The following NTNG1 variants were observed in gnomAD, a reference collection of about 807,000 sequenced individuals.
NTNG1 encodes the protein netrin G1, also known as netrin-G1.
A neutral mutation model predicts 54.0 loss-of-function variants in NTNG1; 16 were observed. The observed-to-expected ratio is 0.30, with a 90% CI of 0.20 to 0.45. NTNG1 has a LOEUF of 0.45. NTNG1 is among the 20% of genes least tolerant of loss of function. The pLI, the probability that NTNG1 is intolerant of heterozygous loss-of-function variation, is 1.00. For missense variants in NTNG1, 530 were observed against 678.7 expected (o/e 0.78, Z 2.43); for synonymous variants, 255 against 263.1 (o/e 0.97, Z 0.30).
At position 107,451,638 on chromosome 1, in the gene NTNG1, T is replaced by C. The variant is rs375036386; in HGVS notation, c.1390+14839T>C. Among the ~76,000 whole-genome samples the C allele has an allele frequency of 1.2e-4, 19 of 152,264 alleles. 1 individual carries two copies. Among genetic ancestry groups the C allele is most frequent in the Admixed American group, 8.5e-4 (13 of 15,280 alleles). ...GAATGTATTAGTCGTTGCAGCTAGA[T>C]GTTGAGTGAAGAACCCCCAGGAGAG... On this transcript the variant is annotated intron_variant, in intron 7 of 7. Coordinates refer to ENST00000370068, the MANE Select transcript of NTNG1 (RefSeq NM_001113226.3).
At chr1:107,193,878 A>T (rs1051025072) in intron 2 of NTNG1, among the ~76,000 whole-genome samples, 1 of 151,762 alleles carries the variant, frequency 6.6e-6, no homozygotes, top group East Asian at 1.9e-4. Context: ...AGTAAAAAAG[A>T]AAAGACCTAT....
chr1:107,472,918 A>G lies in NTNG1; in HGVS notation c.1391-7693A>G, dbSNP rs548626963. On this transcript the variant is annotated intron_variant, in intron 7 of 7. Coordinates refer to ENST00000370068, the MANE Select transcript of NTNG1 (RefSeq NM_001113226.3). ...TTAGCAAAACAGCTGCAAAAGCTGT[A>G]TAAATGGGTCATAATCACAGCTCTT... Among the ~76,000 whole-genome samples, 25 of 152,324 alleles carry G rather than the reference A, an allele frequency of 1.6e-4. 1 individual carries two copies. The highest frequency in any genetic ancestry group is 8.3e-4 in the South Asian group (4 of 4,824).
intron 7 of NTNG1, among the ~76,000 whole-genome samples, chr1:107,458,344 T>G (rs526283): frequency 0.97 from 147,840 of 152,222 alleles, 71,940 homozygotes; most frequent in East Asian, 1. Flanking sequence ...GAGATCTCTA[T>G]CCATTAAATT....
intron 3 of NTNG1, among the ~76,000 whole-genome samples, chr1:107,342,078 G>GTCACTT (rs1228304960): frequency 6.6e-6 from 1 of 152,016 alleles, no homozygotes; most frequent in African/African-American, 2.4e-5. Flanking sequence ...GTCACTATAA[G>GTCACTT]TCACTTTTTG....
intron 3 of NTNG1, among the ~76,000 whole-genome samples, chr1:107,390,516 T>A (rs529602234): frequency 6.6e-6 from 1 of 152,306 alleles, no homozygotes; most frequent in Non-Finnish European, 1.5e-5. Context: ...TTATGATATC[T>A]CACAAATTTC....
chr1:107,303,930 C>A (rs1310462200), intron 2 of NTNG1, among the ~76,000 whole-genome samples: 5 of 152,070 alleles, frequency 3.3e-5, no homozygotes, highest in Admixed American at 1.3e-4. Context: ...CATAATCCGC[C>A]CGCCTTGGCC....
chr1:107,437,701 A>G (rs889037441), intron 7 of NTNG1, among the ~76,000 whole-genome samples: 2 of 152,196 alleles, frequency 1.3e-5, no homozygotes, highest in Non-Finnish European at 2.9e-5. Context: ...TAATTTTAAT[A>G]ACTATTATAT....
intron 3 of NTNG1, among the ~76,000 whole-genome samples, chr1:107,387,076 C>T (rs61799245): frequency 8.5e-5 from 13 of 152,202 alleles, no homozygotes; most frequent in African/African-American, 2.9e-4. Context: ...AGATTCTTCA[C>T]CCATTTTCTA....
chr1:107,389,574 C>T lies in NTNG1; in HGVS notation c.888-5580C>T, dbSNP rs1284054372. ...CAGGAAGTGCAGATCTGGTTGAAAG[C>T]GAGAACACACTGGTGTTCGTAAAGT... is the stretch of plus-strand genomic sequence containing the variant. On this transcript the variant is annotated intron_variant, in intron 3 of 7. Coordinates refer to ENST00000370068, the MANE Select transcript of NTNG1 (RefSeq NM_001113226.3). 2.6e-5 allele frequency among the ~76,000 whole-genome samples: 4 copies of T among 152,288 alleles called. 1 individual carries two copies. Among genetic ancestry groups the T allele is most frequent in the Middle Eastern group, 6.8e-3 (2 of 294 alleles).
At chr1:107,216,896 C>T (rs1660001505) in intron 2 of NTNG1, among the ~76,000 whole-genome samples, 1 of 152,090 alleles carries the variant, frequency 6.6e-6, no homozygotes, top group Non-Finnish European at 1.5e-5. Flanking sequence ...CCAGGATGGT[C>T]TTGATCTCTT....
chr1:107,316,821 A>C (rs1667364186), intron 2 of NTNG1, among the ~76,000 whole-genome samples: 1 of 152,194 alleles, frequency 6.6e-6, no homozygotes. Flanking sequence ...GTATTATGTT[A>C]TGTTCTTCAC....
At chr1:107,419,616 CCTT>C (rs1362702917) in intron 5 of NTNG1, among the ~76,000 whole-genome samples, 1 of 124,950 alleles carries the variant, frequency 8.0e-6, no homozygotes, top group Non-Finnish European at 1.8e-5. Context: ...TTGCCTTCTT[CCTT>C]CTTCAAAAAA....
chr1:107,343,583 T>A (rs1018087418), intron 3 of NTNG1, among the ~76,000 whole-genome samples: 6 of 151,878 alleles, frequency 4.0e-5, no homozygotes, highest in Admixed American at 3.9e-4. Flanking sequence ...TTTTGGGGAT[T>A]CGCCTGCAGA....
chr1:107,316,596 C>T (rs887979642), intron 2 of NTNG1, among the ~76,000 whole-genome samples: 2 of 152,026 alleles, frequency 1.3e-5, no homozygotes, highest in Admixed American at 1.3e-4. Context: ...TGCATTTTAC[C>T]CCATAAAATA....
At chr1:107,271,503 A>G (rs74876152) in intron 2 of NTNG1, among the ~76,000 whole-genome samples, 6,180 of 152,320 alleles carry the variant, frequency 0.041, 156 homozygotes, top group Middle Eastern at 0.068. Context: ...CAAAACAACA[A>G]AAACACATTA....
chr1:107,193,122 A>G (rs1305838379), intron 2 of NTNG1, among the ~76,000 whole-genome samples: 1 of 151,994 alleles, frequency 6.6e-6, no homozygotes, highest in Non-Finnish European at 1.5e-5. Context: ...AGGTGCTCTC[A>G]TTGTCTTCTC....
chr1:107,273,289 G>A (rs1664262984), intron 2 of NTNG1, among the ~76,000 whole-genome samples: 2 of 152,132 alleles, frequency 1.3e-5, no homozygotes, highest in Admixed American at 1.3e-4. Flanking sequence ...GGGAGAGCCT[G>A]GAATCAGACG....
At chr1:107,255,487 A>G (rs1378003989) in intron 2 of NTNG1, among the ~76,000 whole-genome samples, 1 of 152,204 alleles carries the variant, frequency 6.6e-6, no homozygotes, top group African/African-American at 2.4e-5. Flanking sequence ...AGATGAAAAT[A>G]TATTTAAGGC....
chr1:107,267,588 C>G (rs1448560108), intron 2 of NTNG1, among the ~76,000 whole-genome samples: 1 of 151,840 alleles, frequency 6.6e-6, no homozygotes, highest in Non-Finnish European at 1.5e-5. Flanking sequence ...TTCCACTGCA[C>G]TTTTCCATTC....
Sources: allele counts gnomAD v4.1 joint callset (sites outside exome capture counted in the v4.1 genomes callset), GRCh38; gene constraint gnomAD v4.1.1; transcripts MANE v1.5; gene names NCBI Gene and HGNC (gene_info 2026-07-23, HGNC 2026-07-21).